Variants in PRKD2 observed in about 807,000 individuals in gnomAD.
PRKD2 encodes serine/threonine-protein kinase D2.
PRKD2 carries 22 observed loss-of-function variants against 86.0 expected under a neutral mutation model. That is an observed-to-expected ratio of 0.26 (90% CI 0.18 to 0.37). The LOEUF is 0.37. PRKD2 is among the 10% of genes least tolerant of loss of function. The probability of loss-of-function intolerance (pLI) is 1.00; values close to 1 mark genes in which losing one functional copy is unlikely to be tolerated. For synonymous variants in PRKD2, 509 were observed against 510.9 expected, an observed-to-expected ratio of 1.00 and a Z score of 0.05; for missense variants, 818 against 1,199.2, an observed-to-expected ratio of 0.68 and a Z score of 4.70.
chr19:46,703,993 A>ACACACACACACACACACAC (rs1568732338), intron 5 of PRKD2, among the ~76,000 whole-genome samples, 176 bp downstream of exon 5: 19 of 149,398 alleles, frequency 1.3e-4, no homozygotes, highest in Non-Finnish European at 1.9e-4. Context: ...ACACACACAC[A>ACACACACACACACACACAC]ACTGAGGTTC....
intron 15 of PRKD2, among the ~76,000 whole-genome samples, chr19:46,680,935 TATATATATATA>T (rs2053290230): frequency 2.0e-5 from 1 of 50,902 alleles, no homozygotes; most frequent in Non-Finnish European, 4.4e-5. Context: ...TATATATATA[TATATATATATA>T]TTTTTTTTTT....
intron 14 of PRKD2, among the ~76,000 whole-genome samples, chr19:46,683,154 G>A (rs1009037026): frequency 2.8e-5 from 4 of 144,492 alleles, no homozygotes; most frequent in African/African-American, 5.2e-5. Flanking sequence ...CCACCATGTC[G>A]GGCTTTGATT....
At chr19:46,699,226 C>T (rs1227654041) in intron 7 of PRKD2, among the ~76,000 whole-genome samples, 1 of 152,146 alleles carries the variant, frequency 6.6e-6, no homozygotes, top group Non-Finnish European at 1.5e-5. Flanking sequence ...GGCTCCTTCC[C>T]TCCCCTCCCT....
intron 2 of PRKD2, 60 bp downstream of exon 2, chr19:46,713,803 T>TCCC: frequency 1.3e-6 from 1 of 744,420 alleles, no homozygotes; most frequent in Non-Finnish European, 1.9e-6. Context: ...TACCCTCTCC[T>TCCC]CCCCCAGATG....
chr19:46,716,301 CGGG>C lies in PRKD2; in HGVS notation c.67_69del (p.Pro23del), dbSNP rs2053880666. Reference sequence around the variant, plus strand: ...GGCGGCGACTGCAGCTCTAGGCCGCCGGGGGGCGGAGGAGACCCCGGCCCGGGA... The same window carrying C: ...GGCGGCGACTGCAGCTCTAGGCCGCCGGGCGGAGGAGACCCCGGCCCGGGA... On this transcript the variant is annotated inframe_deletion, in exon 1 of 18. Transcript: ENST00000291281. The surrounding 1 kb of genome is among the most constrained non-coding windows in gnomAD (Gnocchi z 7.9). The C allele has an allele frequency of 6.5e-7, 1 of 1,532,134 alleles. No individual in the cohort carries two copies. Among genetic ancestry groups the C allele is most frequent in the African/African-American group, 1.4e-5 (1 of 69,996 alleles). 94.9% of individuals were successfully genotyped at this position (1,532,134 alleles called of 1,614,324 possible).
intron 3 of PRKD2, among the ~76,000 whole-genome samples, chr19:46,706,294 T>C (rs1466823417): frequency 1.3e-5 from 2 of 152,230 alleles, no homozygotes; most frequent in Non-Finnish European, 2.9e-5. Flanking sequence ...CTTTCTATTC[T>C]GGAGTGAAGA....
rs1185826348 is a variant in PRKD2 at position 46,674,734 on chromosome 19, T to G, written c.2426A>C (p.Glu809Ala). 4.4e-6 allele frequency: 7 copies of G among 1,603,598 alleles called. No homozygotes were observed. The highest frequency in any genetic ancestry group is 5.1e-6 in the Non-Finnish European group (6 of 1,179,464). ...DKSLSHPWLQ[E>A]YQTWLDLREL... ...TCGGAGGTCCAGCCACGTCTGGTAC[T>G]CCTGGGCCCGAGAGAACTGGGGTTA... Residue 809 changes from glutamate to alanine, a missense_variant and splice_region_variant, in exon 18 of 18, where the codon GAG (glutamate) becomes GCG (alanine). By Grantham distance (107) the Glu-to-Ala change is moderately radical. Transcript: ENST00000291281.
intron 15 of PRKD2, among the ~76,000 whole-genome samples, chr19:46,681,106 A>G (rs1599811833): frequency 6.7e-6 from 1 of 150,360 alleles, no homozygotes; most frequent in Non-Finnish European, 1.5e-5. Flanking sequence ...GGCGCACACC[A>G]CCACGCCCCG....
intron 13 of PRKD2, among the ~76,000 whole-genome samples, chr19:46,690,032 G>A (rs2053461198): frequency 2.0e-5 from 3 of 152,140 alleles, no homozygotes; most frequent in Admixed American, 6.5e-5. Flanking sequence ...GAGCCACCAT[G>A]CCCGGCCCAG....
intron 14 of PRKD2, among the ~76,000 whole-genome samples, chr19:46,683,552 C>A (rs2053346851): frequency 1.3e-5 from 2 of 151,978 alleles, no homozygotes; most frequent in South Asian, 4.1e-4. Flanking sequence ...CAAAACCCTG[C>A]CTCTATTAAA....
At chr19:46,699,978 G>C (rs1394162119) in intron 7 of PRKD2, among the ~76,000 whole-genome samples, 1 of 150,666 alleles carries the variant, frequency 6.6e-6, no homozygotes, top group Admixed American at 6.6e-5. Context: ...GCTCATGCCT[G>C]TAATCCCAGC....
Position 46,712,075 on chromosome 19 carries a change from G to GAA in PRKD2, c.380-1039_380-1038dup, listed in dbSNP as rs1160536158. On this transcript the variant is annotated intron_variant, in intron 2 of 17. Transcript: ENST00000291281. Reference sequence around the variant, plus strand: ...AGAGTAAGATTCTGTCTAAAAAAAAGAAAAAAAAAAAAAGCCCAGTGTGGT... The same window carrying GAA: ...AGAGTAAGATTCTGTCTAAAAAAAAGAAAAAAAAAAAAAAAGCCCAGTGTGGT... Among the ~76,000 whole-genome samples the GAA allele has an allele frequency of 4.9e-5, 6 of 122,346 alleles. No individual in the cohort carries two copies. The South Asian group carries it at 8.2e-4, about 17-fold the overall frequency. 80.3% of individuals were successfully genotyped at this position (122,346 alleles called of 152,430 possible). A position where few individuals can be genotyped will look rare whatever the true frequency, so the allele number is the denominator to read the frequency against.
chr19:46,684,962 C>A (rs867373152), intron 14 of PRKD2, among the ~76,000 whole-genome samples: 25 of 133,648 alleles, frequency 1.9e-4, no homozygotes, highest in Non-Finnish European at 1.9e-4. Flanking sequence ...GACTCCATCT[C>A]AAAAAAAAAA....
intron 14 of PRKD2, chr19:46,685,553 C>T (rs62134781): frequency 0.26 from 40,058 of 152,212 alleles, 6,635 homozygotes; most frequent in Non-Finnish European, 0.36. Flanking sequence ...GAAAGAAGAG[C>T]GAGCAGGCAA....
intron 14 of PRKD2, among the ~76,000 whole-genome samples, chr19:46,687,215 AGTCTTTATAAAAAT>A (rs2053413321): frequency 6.6e-6 from 1 of 152,156 alleles, no homozygotes; most frequent in African/African-American, 2.4e-5. Flanking sequence ...CAACATAGCA[AGTCTTTATAAAAAT>A]GTCTTTATAA....
intron 14 of PRKD2, among the ~76,000 whole-genome samples, chr19:46,682,836 C>A (rs575046846): frequency 6.6e-6 from 1 of 151,126 alleles, no homozygotes; most frequent in Non-Finnish European, 1.5e-5. Flanking sequence ...TCCCTAGTAA[C>A]TGGGATTATA....
At chr19:46,710,090 G>C (rs913668973) in intron 3 of PRKD2, among the ~76,000 whole-genome samples, 1 of 151,940 alleles carries the variant, frequency 6.6e-6, no homozygotes, top group African/African-American at 2.4e-5. Context: ...GTAGAGACGG[G>C]GTTTCACCAT....
intron 10 of PRKD2, 134 bp from the exon 11 acceptor site, chr19:46,692,119 G>C: frequency 1.2e-6 from 1 of 843,388 alleles, no homozygotes; most frequent in Non-Finnish European, 2.0e-6. Flanking sequence ...GCAACTTCAG[G>C]CTGGTGACTT....
chr19:46,700,210 T>C (rs2053616894), intron 7 of PRKD2, among the ~76,000 whole-genome samples: 2 of 152,102 alleles, frequency 1.3e-5, no homozygotes, highest in African/African-American at 2.4e-5. Context: ...CACTCCAGCC[T>C]GGGCAACAAG....
Sources: allele counts gnomAD v4.1 joint callset (sites outside exome capture counted in the v4.1 genomes callset), GRCh38; gene constraint gnomAD v4.1.1; non-coding constraint Gnocchi (gnomAD v3.1); transcripts MANE v1.5; gene names NCBI Gene and HGNC (gene_info 2026-07-23, HGNC 2026-07-21).